Variants in DMD observed in about 807,000 individuals in gnomAD.
DMD encodes mutant dystrophin.
In DMD, 63 loss-of-function variants were observed where a neutral mutation model predicts 330.1. The ratio of observed to expected loss-of-function variants is 0.19; its 90% CI spans 0.16 to 0.24. DMD has a LOEUF of 0.24. Among genes scored for constraint, DMD ranks in the 10% least tolerant of loss-of-function variants. The probability of loss-of-function intolerance (pLI) is 1.00; values close to 1 mark genes in which losing one functional copy is unlikely to be tolerated. For missense variants in DMD, 3,344 were observed against 2,684.1 expected (o/e 1.25, Z -5.43); for synonymous variants, 1,223 against 959.8 (o/e 1.27, Z -5.07).
intron 21 of DMD, among the ~76,000 whole-genome samples, chrX:32,484,479 CT>C (rs1198720536): frequency 8.9e-6 from 1 of 112,156 alleles, no homozygotes. Flanking sequence ...TTGTCCTTTG[CT>C]GAGTTTCAGT....
chrX:33,289,596 T>A (rs2053484512), intron 1 of DMD, among the ~76,000 whole-genome samples: 1 of 111,738 alleles, frequency 8.9e-6, no homozygotes, highest in Admixed American at 9.6e-5. Flanking sequence ...TTGAGGTGAA[T>A]TCATAATATA....
chrX:33,171,416 G>T (rs1415453945), intron 1 of DMD, among the ~76,000 whole-genome samples: 7 of 111,232 alleles, frequency 6.3e-5, no homozygotes, highest in Non-Finnish European at 1.1e-4. Flanking sequence ...CATTTACTGA[G>T]AACTCTAATT....
At chrX:32,099,207 T>C (rs1487784848) in intron 44 of DMD, among the ~76,000 whole-genome samples, 2 of 111,910 alleles carry the variant, frequency 1.8e-5, no homozygotes, top group Non-Finnish European at 3.8e-5. Context: ...TGTGAGATGG[T>C]ATCTCATTGT....
intron 55 of DMD, among the ~76,000 whole-genome samples, chrX:31,516,022 G>A (rs2072158459): frequency 1.8e-5 from 2 of 111,282 alleles, no homozygotes; most frequent in Admixed American, 1.9e-4. Context: ...CATTAAACAT[G>A]AGCTCTAAAT....
At chrX:33,258,601 G>T (rs1016402264) in intron 1 of DMD, among the ~76,000 whole-genome samples, 1 of 111,096 alleles carries the variant, frequency 9.0e-6, no homozygotes, top group Non-Finnish European at 1.9e-5. Context: ...TTGCTTTGAT[G>T]GTAAAACGAC....
intron 62 of DMD, among the ~76,000 whole-genome samples, chrX:31,298,689 ACT>A (rs973137382): frequency 1.8e-5 from 2 of 111,597 alleles, no homozygotes; most frequent in Non-Finnish European, 3.8e-5. Context: ...ATGAATACAG[ACT>A]CTCTTCATCC....
At chrX:31,357,414 CAT>C (rs1227338575) in intron 60 of DMD, among the ~76,000 whole-genome samples, 2 of 108,088 alleles carry the variant, frequency 1.9e-5, no homozygotes, top group Non-Finnish European at 3.8e-5. Flanking sequence ...TTAGGAAATT[CAT>C]ATTAACGAAT....
At chrX:32,061,996 C>T (rs746162503) in intron 44 of DMD, among the ~76,000 whole-genome samples, 37 of 110,806 alleles carry the variant, frequency 3.3e-4, no homozygotes, top group Non-Finnish European at 5.5e-4. Context: ...AATCATTTCA[C>T]GGAATAATAT....
intron 55 of DMD, among the ~76,000 whole-genome samples, chrX:31,522,363 C>CTCTCTATATA: frequency 8.1e-4 from 29 of 35,962 alleles, no homozygotes; most frequent in Non-Finnish European, 1.1e-3. Context: ...CTCTCTCTCT[C>CTCTCTATATA]TATATATATA....
chrX:32,747,020 C>A lies in DMD; in HGVS notation c.650-47727G>T, dbSNP rs143536414. Among the ~76,000 whole-genome samples, 705 of 112,012 alleles carry A rather than the reference C, an allele frequency of 6.3e-3. 9 individuals carry two copies. Among genetic ancestry groups the A allele is most frequent in the African/African-American group, 0.021 (657 of 30,789 alleles). ...TATCCAGGCTCATCCATGTTACCAC[C>A]AATTACAGGATTTCATTCTTTTTAT... On this transcript the variant is annotated intron_variant, in intron 7 of 78. Coordinates refer to ENST00000357033, the MANE Select transcript of DMD (RefSeq NM_004006.3).
At chrX:32,779,435 A>G (rs925566030) in intron 7 of DMD, among the ~76,000 whole-genome samples, 1 of 110,766 alleles carries the variant, frequency 9.0e-6, no homozygotes, top group South Asian at 3.8e-4. Flanking sequence ...ATGTTTAATA[A>G]ATCATCTACA....
rs368627982 is a variant in DMD, at chrX:32,565,682, T to C, written c.1992+20A>G. The C allele has an allele frequency of 1.7e-6, 2 of 1,200,455 alleles. No homozygotes were observed. Among genetic ancestry groups the C allele is most frequent in the East Asian group, 3.0e-5 (1 of 33,728 alleles). ...AAAATCTCTGAGATAGTCTGTAGCA[T>C]GATAATTGGTATCACTAACCTGTGC... On this transcript the variant is annotated intron_variant, in intron 16 of 78. Coordinates refer to ENST00000357033, the MANE Select transcript of DMD (RefSeq NM_004006.3).
chrX:33,111,502 C>T (rs189359729), intron 1 of DMD, among the ~76,000 whole-genome samples: 1 of 112,120 alleles, frequency 8.9e-6, no homozygotes, highest in Admixed American at 9.5e-5. Flanking sequence ...TTATTTTTAG[C>T]ATAATATTTG....
chrX:32,340,118 GTCTA>G (rs777671407), intron 41 of DMD, among the ~76,000 whole-genome samples: 9 of 111,488 alleles, frequency 8.1e-5, no homozygotes, highest in African/African-American at 2.3e-4. Flanking sequence ...ACACCCACCT[GTCTA>G]TCTATCTACC....
chrX:31,774,221 G>GA (rs771611294), intron 50 of DMD, 29 bp from the exon 51 acceptor site: 8 of 1,053,580 alleles, frequency 7.6e-6, no homozygotes, highest in Non-Finnish European at 7.9e-6. Flanking sequence ...TTGCAAAAAG[G>GA]AAAAAAGAAG....
intron 1 of DMD, among the ~76,000 whole-genome samples, chrX:33,277,036 A>T (rs1311503138): frequency 8.0e-5 from 9 of 111,908 alleles, no homozygotes; most frequent in Admixed American, 9.5e-5. Flanking sequence ...TACCACATAG[A>T]TCACTTCACG....
intron 21 of DMD, among the ~76,000 whole-genome samples, chrX:32,479,326 A>C (rs2041578276): frequency 9.0e-6 from 1 of 111,112 alleles, no homozygotes; most frequent in African/African-American, 3.3e-5. Flanking sequence ...TTTGAAACAT[A>C]GATTTTTATT....
intron 62 of DMD, among the ~76,000 whole-genome samples, chrX:31,274,356 G>A (rs763642398): frequency 4.8e-4 from 54 of 111,999 alleles, no homozygotes; most frequent in African/African-American, 1.8e-3. Flanking sequence ...GTATATCCAT[G>A]TTCATATTCT....
At chrX:32,132,993 C>CTTTTCTTTTTTTTTTTTTT (rs2096705124) in intron 44 of DMD, among the ~76,000 whole-genome samples, 5 of 75,971 alleles carry the variant, frequency 6.6e-5, no homozygotes, top group African/African-American at 3.4e-4. Context: ...CTTTTCTTTT[C>CTTTTCTTTTTTTTTTTTTT]TTTTTTTTTT....
Sources: gnomAD v4.1 joint callset for allele counts (sites outside exome capture counted in the v4.1 genomes callset) on GRCh38, gnomAD v4.1.1 for gene constraint, MANE v1.5 for transcripts, NCBI Gene and HGNC (gene_info 2026-07-23, HGNC 2026-07-21) for gene names.